PTBP2: variants seen among roughly 807,000 people sequenced by gnomAD.
PTBP2 encodes polypyrimidine tract-binding protein 2.
Under a neutral mutation model 61.4 loss-of-function variants are expected in PTBP2, and 13 were observed. The observed-to-expected ratio is 0.21, with a 90% CI of 0.14 to 0.34. The LOEUF is 0.34. PTBP2 is among the 10% of genes least tolerant of loss of function. The pLI, the probability that PTBP2 is intolerant of heterozygous loss-of-function variation, is 1.00. For missense variants in PTBP2, 405 were observed against 642.6 expected, an observed-to-expected ratio of 0.63 and a Z score of 4.00; for synonymous variants, 215 against 218.5, an observed-to-expected ratio of 0.98 and a Z score of 0.14.
intron 5 of PTBP2, among the ~76,000 whole-genome samples, chr1:96,772,237 A>G (rs1030201659): frequency 6.6e-6 from 1 of 152,146 alleles, no homozygotes; most frequent in Admixed American, 6.5e-5. Flanking sequence ...TCAAGGAAAC[A>G]TTTACTGAGA....
chr1:96,766,685 T>C (rs1223937159), intron 3 of PTBP2, among the ~76,000 whole-genome samples: 1 of 152,202 alleles, frequency 6.6e-6, no homozygotes, highest in African/African-American at 2.4e-5. Context: ...TTTTATAATA[T>C]TTGGCACTAA....
chr1:96,784,312 G>C (rs1051301687), intron 7 of PTBP2, among the ~76,000 whole-genome samples: 2 of 151,964 alleles, frequency 1.3e-5, no homozygotes, highest in Non-Finnish European at 2.9e-5. Flanking sequence ...CCTTGAAGAA[G>C]CATGACAGCC....
rs1662401528 is a variant in PTBP2 at position 96,814,841 on chromosome 1, T to A, written c.*1436T>A. 6.6e-6 allele frequency: 1 copy of A among 152,540 alleles called. No individual in the cohort carries two copies. The highest frequency in any genetic ancestry group is 1.5e-5 in the Non-Finnish European group (1 of 67,978). The allele number at this position is 152,540 out of a possible 1,614,324, so 9.4% of individuals were successfully genotyped here. A position where few individuals can be genotyped will look rare whatever the true frequency, so the allele number is the denominator to read the frequency against. ...TAATTTCATTTTGTGTGTACTCTGC[T>A]TACCCCTGTAGCATGCTCAATAAAC... is the stretch of plus-strand genomic sequence containing the variant. On this transcript the variant is annotated 3_prime_UTR_variant, in exon 14 of 14. Coordinates refer to ENST00000674951, the MANE Select transcript of PTBP2 (RefSeq NM_021190.4).
At chr1:96,806,839 G>A (rs1010506411) in intron 10 of PTBP2, 27 bp from the exon 11 acceptor site, 6 of 1,557,890 alleles carry the variant, frequency 3.9e-6, no homozygotes, top group Non-Finnish European at 5.3e-6. Flanking sequence ...TCCATTTTTG[G>A]ATTACCTCTC....
At chr1:96,749,701 TAGTC>T (rs1237651304) in intron 2 of PTBP2, 17 of 455,400 alleles carry the variant, frequency 3.7e-5, no homozygotes, top group Admixed American at 7.0e-5. Flanking sequence ...TTCACTTACT[TAGTC>T]AATAAATATG....
chr1:96,727,375 GTATGGACATATGCTTTCATTT>G (rs1357402466), intron 2 of PTBP2, among the ~76,000 whole-genome samples: 1 of 152,074 alleles, frequency 6.6e-6, no homozygotes, highest in East Asian at 1.9e-4. Context: ...ACAAGTCTTT[GTATGGACATATGCTTTCATTT>G]CTCTTGGTGG....
chr1:96,745,208 G>T (rs939778375), intron 2 of PTBP2, among the ~76,000 whole-genome samples: 23 of 150,492 alleles, frequency 1.5e-4, no homozygotes, highest in African/African-American at 5.4e-4. Flanking sequence ...TGATACCCAC[G>T]CTGGAGTGCA....
chr1:96,736,630 ATT>A (rs1652230511), intron 2 of PTBP2, among the ~76,000 whole-genome samples: 1 of 152,300 alleles, frequency 6.6e-6, no homozygotes, highest in African/African-American at 2.4e-5. Flanking sequence ...AGCGGATAAT[ATT>A]TTGGTATTTT....
At chr1:96,803,089 G>A (rs1035681497) in intron 8 of PTBP2, among the ~76,000 whole-genome samples, 9 of 152,102 alleles carry the variant, frequency 5.9e-5, no homozygotes, top group African/African-American at 2.2e-4. Flanking sequence ...ATAGTGAGAG[G>A]TATAGTATTT....
chr1:96,793,223 ACTT>A lies in PTBP2; in HGVS notation c.904+7973_904+7975del, dbSNP rs571686550. On this transcript the variant is annotated intron_variant, in intron 8 of 13. Transcript: ENST00000674951. ...ATATGTGCAATTTTAAATTATGTTG[ACTT>A]CTTTGGATTATTGAACTGTCCTCTG... is the stretch of plus-strand genomic sequence containing the variant. 2.2e-3 allele frequency among the ~76,000 whole-genome samples: 329 copies of A among 152,174 alleles called. 3 individuals carry two copies. The highest frequency in any genetic ancestry group is 0.01 in the Middle Eastern group (3 of 294).
intron 11 of PTBP2, 63 bp from the exon 12 acceptor site, chr1:96,812,644 CGTTAA>C: frequency 8.0e-7 from 1 of 1,247,192 alleles, no homozygotes; most frequent in Non-Finnish European, 1.1e-6. Flanking sequence ...TAAACTGTTA[CGTTAA>C]AAGAATTATG....
At chr1:96,773,419 G>A (rs1455951876) in intron 5 of PTBP2, among the ~76,000 whole-genome samples, 1 of 151,958 alleles carries the variant, frequency 6.6e-6, no homozygotes, top group Non-Finnish European at 1.5e-5. Context: ...AGTACTTTGA[G>A]GATACTAGTT....
intron 2 of PTBP2, among the ~76,000 whole-genome samples, chr1:96,741,598 CCT>C (rs72240367): frequency 0.095 from 14,376 of 152,094 alleles, 934 homozygotes; most frequent in Non-Finnish European, 0.14. Context: ...ATAACTCTCT[CCT>C]CTCTCTGACC....
intron 11 of PTBP2, among the ~76,000 whole-genome samples, chr1:96,809,927 A>G (rs1661887416): frequency 6.6e-6 from 1 of 152,070 alleles, no homozygotes; most frequent in African/African-American, 2.4e-5. Context: ...CAGTTGAGAG[A>G]AAAAAACATG....
At chr1:96,782,172 A>G (rs1193843934) in intron 7 of PTBP2, among the ~76,000 whole-genome samples, 1 of 151,926 alleles carries the variant, frequency 6.6e-6, no homozygotes, top group Non-Finnish European at 1.5e-5. Context: ...CTTTATTAGG[A>G]ATATCTTTAG....
intron 3 of PTBP2, among the ~76,000 whole-genome samples, chr1:96,752,786 C>G (rs1366006589): frequency 6.6e-6 from 1 of 151,700 alleles, no homozygotes; most frequent in Non-Finnish European, 1.5e-5. Context: ...CAGTCTCCCC[C>G]CAAAACCAAA....
intron 8 of PTBP2, among the ~76,000 whole-genome samples, chr1:96,801,861 CAA>C (rs397861502): frequency 3.8e-4 from 29 of 75,478 alleles, no homozygotes; most frequent in East Asian, 3.0e-4. Context: ...GACTCCATCT[CAA>C]AAAAAAAAAA....
At chr1:96,748,082 T>TCTTC (rs1237810716) in intron 2 of PTBP2, among the ~76,000 whole-genome samples, 1 of 152,200 alleles carries the variant, frequency 6.6e-6, no homozygotes, top group Non-Finnish European at 1.5e-5. Context: ...TACGTACCTT[T>TCTTC]CTTCCTCTCT....
intron 5 of PTBP2, among the ~76,000 whole-genome samples, chr1:96,773,545 A>T (rs1028860509): frequency 3.3e-5 from 5 of 152,066 alleles, no homozygotes; most frequent in Non-Finnish European, 7.4e-5. Flanking sequence ...GTGTTTCAGA[A>T]TGGACAATTA....
Sources: allele counts gnomAD v4.1 joint callset (sites outside exome capture counted in the v4.1 genomes callset), GRCh38; gene constraint gnomAD v4.1.1; transcripts MANE v1.5; gene names NCBI Gene and HGNC (gene_info 2026-07-23, HGNC 2026-07-21).